OR2T1: variants seen among roughly 807,000 people sequenced by gnomAD.
OR2T1 encodes the protein olfactory receptor 2T1.
For missense variants in OR2T1, 440 were observed against 390.2 expected (o/e 1.13, Z -1.07); for synonymous variants, 186 against 145.4 (o/e 1.28, Z -2.01).
chr1:248,407,908 A>T lies in OR2T1; in HGVS notation c.*804A>T, dbSNP rs1170827148. On this transcript the variant is annotated 3_prime_UTR_variant, in exon 2 of 2. Transcript: ENST00000642005. Reference sequence around the variant, plus strand: ...TGAGCCTTTATAGTAAACTAACTGAACCCAAGGAAGGGCCGTGGGATCCCC... The same window carrying T: ...TGAGCCTTTATAGTAAACTAACTGATCCCAAGGAAGGGCCGTGGGATCCCC... The T allele has an allele frequency of 6.6e-6, 1 of 152,236 alleles. No homozygotes were observed. The highest frequency in any genetic ancestry group is 2.4e-5 in the African/African-American group (1 of 41,446). 9.4% of individuals were successfully genotyped at this position (152,236 alleles called of 1,614,324 possible). A position where few individuals can be genotyped will look rare whatever the true frequency, so the allele number is the denominator to read the frequency against.
chr1:248,406,386 T>G lies in OR2T1; in HGVS notation c.239T>G (p.Met80Arg), dbSNP rs758244374. Residue 80 changes from methionine to arginine, a missense_variant, in exon 2 of 2, where the codon ATG becomes AGG. By Grantham distance (91) the Met-to-Arg change is moderately conservative (BLOSUM62 -1). Coordinates refer to ENST00000642005, the MANE Select transcript of OR2T1 (RefSeq NM_030904.2). ...MMYISTIVPK[M>R]LVNYLLDQRT... is the part of the protein sequence containing the mutation. Reference sequence around the variant, plus strand: ...TATATTTCCACTATTGTGCCTAAGATGCTGGTTAATTACCTGCTGGATCAA... The same window carrying G: ...TATATTTCCACTATTGTGCCTAAGAGGCTGGTTAATTACCTGCTGGATCAA... 1 of 1,614,196 alleles carries G rather than the reference T, an allele frequency of 6.2e-7. No homozygotes were observed. Among genetic ancestry groups the G allele is most frequent in the Admixed American group, 1.7e-5 (1 of 60,014 alleles).
chr1:248,407,165 T>C lies in OR2T1; in HGVS notation c.*61T>C. 1.4e-6 allele frequency: 2 copies of C among 1,476,410 alleles called. No individual in the cohort carries two copies. Among genetic ancestry groups the C allele is most frequent in the Non-Finnish European group, 1.8e-6 (2 of 1,099,390 alleles). The allele number at this position is 1,476,410 out of a possible 1,614,324, so 91.5% of individuals were successfully genotyped here. On this transcript the variant is annotated 3_prime_UTR_variant, in exon 2 of 2. Transcript: ENST00000642005. ...GACTCTGTGGTCACTGTGGCTGTGC[T>C]TTCATCAAAAGATGAAGCAAAAAGG...
Position 248,407,276 on chromosome 1 carries a change from G to A in OR2T1, c.*172G>A, listed in dbSNP as rs1661583773. On this transcript the variant is annotated 3_prime_UTR_variant, in exon 2 of 2. Transcript: ENST00000642005. Reference sequence around the variant, plus strand: ...TAGTTATGATGTTGTGGTTTTTTAGGCCTCAGAAAACTGAATCTCTCTCTG... The same window carrying A: ...TAGTTATGATGTTGTGGTTTTTTAGACCTCAGAAAACTGAATCTCTCTCTG... 5 of 496,326 alleles carry A rather than the reference G, an allele frequency of 1.0e-5. No homozygotes were observed. The Admixed American group carries it at 2.0e-4, about 20-fold the overall frequency. The allele number at this position is 496,326 out of a possible 1,614,324, so 30.7% of individuals were successfully genotyped here.
chr1:248,404,868 C>T (rs985496922), intron 1 of OR2T1, among the ~76,000 whole-genome samples: 1 of 152,080 alleles, frequency 6.6e-6, no homozygotes, highest in Non-Finnish European at 1.5e-5. Context: ...TCCAAACACT[C>T]CTGGCACTAA....
intron 1 of OR2T1, among the ~76,000 whole-genome samples, chr1:248,404,226 A>ACC (rs1661501353): frequency 1.3e-5 from 2 of 152,298 alleles, no homozygotes; most frequent in Non-Finnish European, 1.5e-5. Flanking sequence ...AATGGGAGTA[A>ACC]GGGTGAACAG....
chr1:248,404,723 A>T (rs574448457), intron 1 of OR2T1, among the ~76,000 whole-genome samples: 1 of 152,064 alleles, frequency 6.6e-6, no homozygotes, highest in South Asian at 2.1e-4. Flanking sequence ...TACATTGTTA[A>T]CAATTTAGCA....
rs372245385 is a variant in OR2T1, at chr1:248,406,280, A to G, written c.133A>G (p.Ile45Val). 6.2e-7 allele frequency: 1 copy of G among 1,613,964 alleles called. No individual in the cohort carries two copies. Among genetic ancestry groups the G allele is most frequent in the African/African-American group, 1.3e-5 (1 of 74,900 alleles). Residue 45 changes from isoleucine to valine, a missense_variant, in exon 2 of 2, where the codon ATC becomes GTC. Physicochemically the swap from Ile to Val is conservative, Grantham distance 29. Transcript: ENST00000642005. ...CGCACTGATGGCCAATGGGGTTATGATCTTCCTGATCCAAACAGATTTGCG... is the reference window on the plus strand; with the variant it reads ...CGCACTGATGGCCAATGGGGTTATGGTCTTCCTGATCCAAACAGATTTGCG... ...FTALMANGVM[I>V]FLIQTDLRLH...
Position 248,406,663 on chromosome 1 carries a change from G to T in OR2T1, c.516G>T (p.Glu172Asp). The change falls in exon 2 of 2, where the codon GAG (glutamate) becomes GAT (aspartate). Residue 172 changes from glutamate (E) to aspartate (D), a missense_variant. By Grantham distance (45) the Glu-to-Asp change is conservative. Coordinates refer to ENST00000642005, the MANE Select transcript of OR2T1 (RefSeq NM_030904.2). ...GCTTTCCCTTCTGCAATTCCCGGGAGATTAACCACTTCTTCTGTGAGGCAC... is the reference window on the plus strand; with the variant it reads ...GCTTTCCCTTCTGCAATTCCCGGGATATTAACCACTTCTTCTGTGAGGCAC... The part of the protein sequence containing the change: ...TMSFPFCNSR[E>D]INHFFCEAPA... 6.2e-7 allele frequency: 1 copy of T among 1,614,116 alleles called. No homozygotes were observed. Among genetic ancestry groups the T allele is most frequent in the Non-Finnish European group, 8.5e-7 (1 of 1,179,992 alleles).
rs751858081 is a variant in OR2T1 at position 248,406,620 on chromosome 1, T to TA, written c.475dup (p.Thr159AsnfsTer16). ...GGGGGCTCTTTGGATGGCTTCCTCC[T>TA]AACCCCCATCACCATGAGCTTTCCC... On this transcript the variant is annotated frameshift_variant, in exon 2 of 2. Coordinates refer to ENST00000642005, the MANE Select transcript of OR2T1 (RefSeq NM_030904.2). LOFTEE classifies it low-confidence loss of function (END_TRUNC). 6.2e-7 allele frequency: 1 copy of TA among 1,614,150 alleles called. No homozygotes were observed. The highest frequency in any genetic ancestry group is 8.5e-7 in the Non-Finnish European group (1 of 1,179,996).
Position 248,406,119 on chromosome 1 carries a change from T to A in OR2T1, c.-29T>A. ...TGCTATCATCTTATTTGGAAGATAT[T>A]ACCTTATATCGGCACAACTGTAGGA... On this transcript the variant is annotated 5_prime_UTR_variant, in exon 2 of 2. Transcript: ENST00000642005. 1.2e-6 allele frequency: 2 copies of A among 1,614,096 alleles called. No homozygotes were observed. Among genetic ancestry groups the A allele is most frequent in the Non-Finnish European group, 1.7e-6 (2 of 1,179,948 alleles).
chr1:248,404,843 A>G (rs1353574053), intron 1 of OR2T1, among the ~76,000 whole-genome samples: 1 of 152,096 alleles, frequency 6.6e-6, no homozygotes, highest in Non-Finnish European at 1.5e-5. Context: ...TATATAATGA[A>G]TTGAGACTAT....
chr1:248,404,546 TTATA>T lies in OR2T1; in HGVS notation c.-34+1312_-34+1315del, dbSNP rs1224274738. On this transcript the variant is annotated intron_variant, in intron 1 of 1. Coordinates refer to ENST00000642005, the MANE Select transcript of OR2T1 (RefSeq NM_030904.2). The stretch of plus-strand genomic sequence containing the variant: ...ATATTCTGAATTAGCAAAATATACA[TTATA>T]TATATATATAAAATATACATATGAT... 5.8e-4 allele frequency among the ~76,000 whole-genome samples: 78 copies of T among 135,182 alleles called. 6 individuals are homozygous for T. The Admixed American group carries it at 6.0e-3, about 10-fold the overall frequency. 88.7% of individuals were successfully genotyped at this position (135,182 alleles called of 152,430 possible).
intron 1 of OR2T1, among the ~76,000 whole-genome samples, chr1:248,404,245 G>GGCTGCGATTACATATACGTGTGTGTGTAT: frequency 6.6e-6 from 1 of 150,970 alleles, no homozygotes; most frequent in African/African-American, 2.4e-5. Flanking sequence ...AGACAGCAGA[G>GGCTGCGATTACATATACGTGTGTGTGTAT]ACCACTGTTT....
In OR2T1 at chr1:248,406,315, A is replaced by G. The variant is rs146611066; in HGVS notation, c.168A>G (p.Thr56=). Residue 56 remains threonine (T), a synonymous_variant, in exon 2 of 2, where the codon ACA becomes ACG. Transcript: ENST00000642005. The stretch of plus-strand genomic sequence containing the variant: ...TCCAAACAGATTTGCGCCTTCATAC[A>G]CCCATGTACTTCCTCCTCAGCCACC... The part of the protein sequence containing the change: ...FLIQTDLRLH[T]PMYFLLSHLS... 1.9e-6 allele frequency: 3 copies of G among 1,614,084 alleles called. 1 individual carries two copies. Among genetic ancestry groups the G allele is most frequent in the Middle Eastern group, 3.3e-4 (2 of 6,060 alleles).
chr1:248,407,066 T>C lies in OR2T1; in HGVS notation c.919T>C (p.Phe307Leu). The C allele has an allele frequency of 6.2e-7, 1 of 1,610,002 alleles. No homozygotes were observed. The change falls in exon 2 of 2, where the codon TTC becomes CTC. Residue 307 changes from phenylalanine to leucine, a missense_variant. Phe to Leu is a conservative substitution (Grantham distance 22). Coordinates refer to ENST00000642005, the MANE Select transcript of OR2T1 (RefSeq NM_030904.2). ...AGCTCTGAAGAGGGCCTTGGGGAGG[T>C]TCAAGGGTCCTCAAAGGGTGTCAGG... ...TGALKRALGR[F>L]KGPQRVSGGV...
In OR2T1 at chr1:248,406,490, G is replaced by A. The variant is rs1293513605; in HGVS notation, c.343G>A (p.Gly115Ser). The A allele has an allele frequency of 1.9e-6, 3 of 1,613,906 alleles. No homozygotes were observed. Among genetic ancestry groups the A allele is most frequent in the African/African-American group, 2.7e-5 (2 of 74,854 alleles). Residue 115 changes from glycine to serine, a missense_variant, in exon 2 of 2, where the codon GGC becomes AGC. By Grantham distance (56) the Gly-to-Ser change is moderately conservative. Transcript: ENST00000642005. ...TLVGAEFFLLGLMAYDRYVAI... is the reference protein window; with the variant it reads ...TLVGAEFFLLSLMAYDRYVAI... ...TGTGGGAGCTGAATTCTTCCTGCTG[G>A]GCCTCATGGCCTATGACCGCTATGT...
At position 248,406,154 on chromosome 1, in the gene OR2T1, G is replaced by A. The variant is rs1045064336; in HGVS notation, c.7G>A (p.Glu3Lys). The change falls in exon 2 of 2, where the codon GAG (glutamate) becomes AAG (lysine). Residue 3 changes from glutamate (E) to lysine (K), a missense_variant. Glu to Lys is a moderately conservative substitution (Grantham distance 56). Transcript: ENST00000642005. ME[E>K]YNTSSTDFTF... ...CGGCACAACTGTAGGATCAATGGAAGAGTACAACACATCCTCTACAGACTT... is the reference window on the plus strand; with the variant it reads ...CGGCACAACTGTAGGATCAATGGAAAAGTACAACACATCCTCTACAGACTT... 3 of 1,614,058 alleles carry A rather than the reference G, an allele frequency of 1.9e-6. No individual in the cohort carries two copies. The highest frequency in any genetic ancestry group is 2.5e-6 in the Non-Finnish European group (3 of 1,179,950).
rs900400365 is a variant in OR2T1 at position 248,407,789 on chromosome 1, C to A, written c.*685C>A. On this transcript the variant is annotated 3_prime_UTR_variant, in exon 2 of 2. Coordinates refer to ENST00000642005, the MANE Select transcript of OR2T1 (RefSeq NM_030904.2). ...GCTCTTATGCTCTTCCAGACCTCAC[C>A]CTCTGTGTCTTTTCATCTGACTGTT... 6.6e-6 allele frequency: 1 copy of A among 152,204 alleles called. No homozygotes were observed. Among genetic ancestry groups the A allele is most frequent in the Non-Finnish European group, 1.5e-5 (1 of 68,046 alleles). The allele number at this position is 152,204 out of a possible 1,614,324, so 9.4% of individuals were successfully genotyped here.
At position 248,406,881 on chromosome 1, in the gene OR2T1, C is replaced by A; in HGVS notation, c.734C>A (p.Thr245Asn). The change falls in exon 2 of 2, where the codon ACT becomes AAT. Residue 245 changes from threonine to asparagine, a missense_variant. Physicochemically the swap from Thr to Asn is moderately conservative, Grantham distance 65 (BLOSUM62 0). Transcript: ENST00000642005. ...KAFATCSSHM[T>N]VVSLFYGAAM... ...TTTGCCACTTGCTCATCCCACATGA[C>A]TGTGGTGTCCTTGTTCTACGGGGCT... is the stretch of plus-strand genomic sequence containing the variant. 1 of 1,614,122 alleles carries A rather than the reference C, an allele frequency of 6.2e-7. No homozygotes were observed. The highest frequency in any genetic ancestry group is 8.5e-7 in the Non-Finnish European group (1 of 1,179,980).
Sources: allele counts gnomAD v4.1 joint callset (sites outside exome capture counted in the v4.1 genomes callset), GRCh38; gene constraint gnomAD v4.1.1; transcripts MANE v1.5; gene names NCBI Gene and HGNC (gene_info 2026-07-23, HGNC 2026-07-21).